RECQL5: variants seen among roughly 807,000 people sequenced by gnomAD.
RECQL5 encodes ATP-dependent DNA helicase Q5.
Under a neutral mutation model 103.4 loss-of-function variants are expected in RECQL5, and 88 were observed. The observed-to-expected ratio is 0.85, with a 90% confidence interval of 0.72 to 1.02. RECQL5 has a LOEUF of 1.02. RECQL5 is among the 50% of genes least tolerant of loss of function. The pLI is 0.00. For synonymous variants in RECQL5, 552 were observed against 507.9 expected (o/e 1.09, Z -1.17); for missense variants, 1,232 against 1,284.3 (o/e 0.96, Z 0.62).
intron 8 of RECQL5, chr17:75,646,742 C>T (rs778221548): frequency 6.6e-6 from 1 of 152,472 alleles, no homozygotes; most frequent in South Asian, 2.1e-4. Flanking sequence ...AAGGACCACC[C>T]TGAATTGCCC....
At chr17:75,655,836 T>C (rs904537616) in intron 7 of RECQL5, among the ~76,000 whole-genome samples, 1 of 152,044 alleles carries the variant, frequency 6.6e-6, no homozygotes. Context: ...TGTGCCACCA[T>C]GCTTGGCTAA....
At chr17:75,656,357 C>T (rs1193161828) in intron 7 of RECQL5, among the ~76,000 whole-genome samples, 4 of 152,176 alleles carry the variant, frequency 2.6e-5, no homozygotes, top group African/African-American at 4.8e-5. Context: ...GGATTACAGG[C>T]GTGAGCCACC....
intron 8 of RECQL5, chr17:75,638,213 G>C (rs554681387): frequency 6.6e-6 from 1 of 152,206 alleles, no homozygotes; most frequent in Non-Finnish European, 1.5e-5. Flanking sequence ...GCCGGGCGCA[G>C]TGGCTCACAC....
At chr17:75,647,407 T>C in intron 8 of RECQL5, 1 of 1,549,776 alleles carries the variant, frequency 6.5e-7, no homozygotes, top group East Asian at 2.4e-5. Flanking sequence ...AGAGACAATC[T>C]GGAATGATGC....
At chr17:75,665,027 C>A in intron 3 of RECQL5, 24 bp downstream of exon 3, 1 of 1,522,874 alleles carries the variant, frequency 6.6e-7, no homozygotes, top group East Asian at 2.6e-5. Context: ...TTTGGGCTAC[C>A]ATCTTCATTG....
intron 7 of RECQL5, among the ~76,000 whole-genome samples, chr17:75,657,541 G>C (rs769908624): frequency 6.6e-6 from 1 of 152,034 alleles, no homozygotes; most frequent in African/African-American, 2.4e-5. Flanking sequence ...TTGAGCCCAG[G>C]AGTCATGAGA....
At chr17:75,638,708 A>T (rs1284150768) in intron 8 of RECQL5, 1 of 152,236 alleles carries the variant, frequency 6.6e-6, no homozygotes, top group African/African-American at 2.4e-5. Context: ...GTGCTGCTAG[A>T]TGGTCAGTCC....
In RECQL5 at chr17:75,650,071, G is replaced by C. The variant is rs549879364; in HGVS notation, c.1229+1115C>G. 9.1e-6 allele frequency: 9 copies of C among 985,726 alleles called. No homozygotes were observed. In the East Asian group the frequency reaches 9.1e-4, roughly 99 times the overall value. 61.1% of individuals were successfully genotyped at this position (985,726 alleles called of 1,614,324 possible). ...AGCAAACAGGACTCACAATGAACAG[G>C]AACACTTGGCCCTTTCATTCCTCAC... is the stretch of plus-strand genomic sequence containing the variant. On this transcript the variant is annotated intron_variant, in intron 8 of 19. Transcript: ENST00000317905.
At chr17:75,643,376 C>T (rs1050736800) in intron 8 of RECQL5, among the ~76,000 whole-genome samples, 3 of 152,248 alleles carry the variant, frequency 2.0e-5, no homozygotes, top group African/African-American at 7.2e-5. Context: ...ACAGACAGGC[C>T]GAATGGCCGC....
At chr17:75,629,893 A>AT in intron 14 of RECQL5, 51 bp from the exon 15 acceptor site, 1 of 1,556,368 alleles carries the variant, frequency 6.4e-7, no homozygotes, top group Non-Finnish European at 8.7e-7. Flanking sequence ...TCCTCCTGAC[A>AT]TGCCCCACCT....
chr17:75,640,943 G>A lies in RECQL5; in HGVS notation c.1230-9275C>T. The A allele has an allele frequency of 6.5e-7, 1 of 1,532,946 alleles. No individual in the cohort carries two copies. The highest frequency in any genetic ancestry group is 8.8e-7 in the Non-Finnish European group (1 of 1,142,666). 95.0% of individuals were successfully genotyped at this position (1,532,946 alleles called of 1,614,324 possible). ...AGAAGCTGGAGAGGAGATGGCCAAT[G>A]CCATGACACAGGCCATCAGCCTGGC... On this transcript the variant is annotated intron_variant, in intron 8 of 19. Transcript: ENST00000317905. The surrounding 1 kb of genome is among the most constrained non-coding windows in gnomAD (Gnocchi z 4.6).
In RECQL5 at chr17:75,665,191, A is replaced by G. The variant is rs908210691; in HGVS notation, c.131-19T>C. On this transcript the variant is annotated intron_variant, in intron 2 of 19. Coordinates refer to ENST00000317905, the MANE Select transcript of RECQL5 (RefSeq NM_004259.7). ...TTGTTACCTGAAAAAATACAAGACA[A>G]CAATATCTCAGTGCTTCCTGCCTTT... 25 of 1,601,490 alleles carry G rather than the reference A, an allele frequency of 1.6e-5. No individual in the cohort carries two copies. Among genetic ancestry groups the G allele is most frequent in the Admixed American group, 7.0e-5 (4 of 57,088 alleles).
At position 75,631,176 on chromosome 17, in the gene RECQL5, A is replaced by G; in HGVS notation, c.1522T>C (p.Tyr508His). The part of the protein sequence containing the change: ...EAHKREWNLF[Y>H]QKQMQLRKGK... The stretch of plus-strand genomic sequence containing the variant: ...TTGCGCAGCTGCATCTGCTTCTGAT[A>G]GAAGAGGTTCCACTCCCGCTTGTGG... Residue 508 changes from tyrosine to histidine, a missense_variant, in exon 10 of 20, where the codon TAT becomes CAT. By Grantham distance (83) the Tyr-to-His change is moderately conservative (BLOSUM62 2). Coordinates refer to ENST00000317905, the MANE Select transcript of RECQL5 (RefSeq NM_004259.7). 6.2e-7 allele frequency: 1 copy of G among 1,613,868 alleles called. No homozygotes were observed. The highest frequency in any genetic ancestry group is 8.5e-7 in the Non-Finnish European group (1 of 1,180,006).
chr17:75,661,460 GGGGATTTAAGTGTA>G (rs1285129455), intron 5 of RECQL5, 132 bp downstream of exon 5: 2 of 641,662 alleles, frequency 3.1e-6, no homozygotes, highest in African/African-American at 3.7e-5. Flanking sequence ...ACTCCTTTTA[GGGGATTTAAGTGTA>G]TCACTTTAGC....
chr17:75,660,257 T>G (rs1038624333), intron 6 of RECQL5, among the ~76,000 whole-genome samples: 1 of 152,090 alleles, frequency 6.6e-6, no homozygotes, highest in African/African-American at 2.4e-5. Flanking sequence ...TTTGTAGAGA[T>G]GGAGGTTTGG....
intron 5 of RECQL5, 62 bp downstream of exon 5, chr17:75,661,538 AAAGAAC>A (rs1027093254): frequency 6.4e-6 from 7 of 1,093,908 alleles, no homozygotes; most frequent in Middle Eastern, 2.0e-4. Context: ...CAGGATCTGT[AAAGAAC>A]AAGAGACCAG....
chr17:75,627,835 C>T (rs369740007), intron 18 of RECQL5, 143 bp from the exon 19 acceptor site: 84 of 694,834 alleles, frequency 1.2e-4, no homozygotes, highest in Middle Eastern at 8.1e-4. Flanking sequence ...CTGGCTAACA[C>T]GGTGAAACCC....
Position 75,640,237 on chromosome 17 carries a change from C to T in RECQL5, c.1230-8569G>A, listed in dbSNP as rs999857965. On this transcript the variant is annotated intron_variant, in intron 8 of 19. Transcript: ENST00000317905. The surrounding 1 kb of genome is among the most constrained non-coding windows in gnomAD (Gnocchi z 4.6). ...CCGACTTCGTGCAGGAGATGCGCGC[C>T]GTGGGCGAGAGGCTGCTGCTCAAGC... 6.4e-6 allele frequency: 10 copies of T among 1,551,150 alleles called. No individual in the cohort carries two copies. In the African/African-American group the frequency reaches 8.2e-5, roughly 13 times the overall value.
chr17:75,652,252 A>G (rs909551288), intron 7 of RECQL5, among the ~76,000 whole-genome samples: 7 of 151,990 alleles, frequency 4.6e-5, no homozygotes, highest in African/African-American at 1.7e-4. Flanking sequence ...ATAAAATAAA[A>G]TAATGCTTGA....
Sources: allele counts gnomAD v4.1 joint callset (sites outside exome capture counted in the v4.1 genomes callset), GRCh38; gene constraint gnomAD v4.1.1; non-coding constraint Gnocchi (gnomAD v3.1); transcripts MANE v1.5; gene names NCBI Gene and HGNC (gene_info 2026-07-23, HGNC 2026-07-21).